Variants in GRIA4 observed in about 807,000 individuals in gnomAD.
GRIA4 encodes the protein glutamate receptor 4.
In GRIA4, 34 loss-of-function variants were observed where a neutral mutation model predicts 104.0. The observed-to-expected ratio is 0.33, with a 90% CI of 0.25 to 0.44. The LOEUF is 0.44. Ranked by LOEUF, GRIA4 falls within the 20% of genes least tolerant of loss-of-function variation. The pLI is 1.00. For missense variants in GRIA4, 750 were observed against 1,096.5 expected (o/e 0.68, Z 4.46); for synonymous variants, 386 against 381.9 (o/e 1.01, Z -0.13).
intron 3 of GRIA4, among the ~76,000 whole-genome samples, chr11:105,618,170 A>T (rs1950648420): frequency 6.6e-6 from 1 of 151,902 alleles, no homozygotes; most frequent in African/African-American, 2.4e-5. Context: ...CTAAGGGGTG[A>T]GACTTTGTAG....
rs1858866931 is a variant in GRIA4 at position 105,974,456 on chromosome 11, T to G, written c.2544+12T>G. On this transcript the variant is annotated intron_variant, in intron 16 of 16. Transcript: ENST00000282499. ...CGAAGAGAATGAAGGTGGCAAAGAG[T>G]GCACAGACTTTTAACCCAACTTCCT... The G allele has an allele frequency of 5.6e-6, 9 of 1,613,836 alleles. No homozygotes were observed. The highest frequency in any genetic ancestry group is 6.8e-6 in the Non-Finnish European group (8 of 1,179,858).
chr11:105,874,428 A>G (rs1183655517), intron 5 of GRIA4, among the ~76,000 whole-genome samples: 1 of 152,186 alleles, frequency 6.6e-6, no homozygotes, highest in Non-Finnish European at 1.5e-5. Flanking sequence ...TATGAAATTT[A>G]AAGTAGTTTT....
intron 14 of GRIA4, among the ~76,000 whole-genome samples, chr11:105,940,186 G>A (rs1326191130): frequency 5.9e-5 from 9 of 152,112 alleles, no homozygotes; most frequent in South Asian, 2.1e-4. Flanking sequence ...GCAACATGGC[G>A]AAACCCTGAC....
intron 3 of GRIA4, among the ~76,000 whole-genome samples, chr11:105,684,168 C>G (rs959010549): frequency 6.6e-6 from 1 of 152,066 alleles, no homozygotes; most frequent in Non-Finnish European, 1.5e-5. Context: ...GCCACTGCGC[C>G]GGGCCAAATG....
intron 4 of GRIA4, among the ~76,000 whole-genome samples, chr11:105,809,008 G>T (rs1037317999): frequency 6.6e-6 from 1 of 151,946 alleles, no homozygotes; most frequent in Non-Finnish European, 1.5e-5. Flanking sequence ...AATATAGTAT[G>T]AATTTTATTT....
intron 13 of GRIA4, among the ~76,000 whole-genome samples, chr11:105,929,925 G>A (rs1947824807): frequency 6.6e-6 from 1 of 152,034 alleles, no homozygotes; most frequent in Non-Finnish European, 1.5e-5. Flanking sequence ...CATGCTTTGA[G>A]TTTCACAATA....
At chr11:105,670,084 TA>T (rs1026068489) in intron 3 of GRIA4, among the ~76,000 whole-genome samples, 1 of 151,914 alleles carries the variant, frequency 6.6e-6, no homozygotes, top group Non-Finnish European at 1.5e-5. Flanking sequence ...ATAACACAAA[TA>T]AAAAAATAAA....
chr11:105,726,852 G>C (rs1938243075), intron 3 of GRIA4, among the ~76,000 whole-genome samples: 1 of 151,794 alleles, frequency 6.6e-6, no homozygotes, highest in South Asian at 2.1e-4. Context: ...TAAAAAAAAG[G>C]ACAACCAAGC....
At chr11:105,935,686 T>C (rs1157569858) in intron 14 of GRIA4, among the ~76,000 whole-genome samples, 1 of 152,182 alleles carries the variant, frequency 6.6e-6, no homozygotes, top group East Asian at 1.9e-4. Context: ...TAATTCTCTG[T>C]GGATATAGCT....
chr11:105,722,766 T>C (rs1250945560), intron 3 of GRIA4, among the ~76,000 whole-genome samples: 1 of 152,104 alleles, frequency 6.6e-6, no homozygotes, highest in East Asian at 1.9e-4. Context: ...AAGATGTAAA[T>C]ATACTCCATG....
At chr11:105,653,644 T>A (rs1051685024) in intron 3 of GRIA4, among the ~76,000 whole-genome samples, 1 of 152,166 alleles carries the variant, frequency 6.6e-6, no homozygotes, top group African/African-American at 2.4e-5. Context: ...AAGGTTATAT[T>A]AGGGTGAACG....
chr11:105,883,809 G>T (rs961769865), intron 5 of GRIA4, among the ~76,000 whole-genome samples: 3 of 152,142 alleles, frequency 2.0e-5, no homozygotes, highest in Admixed American at 2.0e-4. Flanking sequence ...GGATGGCTGG[G>T]TCGAATGGTA....
intron 3 of GRIA4, among the ~76,000 whole-genome samples, chr11:105,730,500 C>G (rs931362408): frequency 6.6e-6 from 1 of 152,152 alleles, no homozygotes; most frequent in African/African-American, 2.4e-5. Flanking sequence ...TTACCCTTGA[C>G]TTTCCTCAAA....
At chr11:105,669,018 C>T (rs7940036) in intron 3 of GRIA4, among the ~76,000 whole-genome samples, 147,782 of 151,978 alleles carry the variant, frequency 0.97, 71,955 homozygotes, top group Non-Finnish European at 1. Context: ...CTGCCATTTG[C>T]GGCTTTCTTA....
intron 6 of GRIA4, among the ~76,000 whole-genome samples, chr11:105,894,261 G>T (rs1208997074): frequency 6.6e-6 from 1 of 152,110 alleles, no homozygotes; most frequent in Admixed American, 6.5e-5. Flanking sequence ...ATATGCAGGA[G>T]TATAAGGTGA....
chr11:105,691,296 C>CA (rs893045087), intron 3 of GRIA4, among the ~76,000 whole-genome samples: 3 of 151,030 alleles, frequency 2.0e-5, no homozygotes, highest in Non-Finnish European at 4.4e-5. Context: ...TGAACAACAA[C>CA]AAAAAAAATT....
intron 3 of GRIA4, among the ~76,000 whole-genome samples, chr11:105,704,546 T>C (rs1180036458): frequency 6.6e-6 from 1 of 152,024 alleles, no homozygotes; most frequent in Non-Finnish European, 1.5e-5. Context: ...TTAATAAAAA[T>C]AGAGGCTTTT....
intron 5 of GRIA4, among the ~76,000 whole-genome samples, chr11:105,882,710 T>C (rs988609658): frequency 4.6e-5 from 7 of 152,190 alleles, no homozygotes; most frequent in Non-Finnish European, 7.3e-5. Flanking sequence ...CCTTATGAGA[T>C]AATAAACACC....
intron 3 of GRIA4, among the ~76,000 whole-genome samples, chr11:105,691,977 T>A (rs1953103970): frequency 6.7e-6 from 1 of 149,770 alleles, no homozygotes; most frequent in African/African-American, 2.5e-5. Context: ...AATATATATC[T>A]CTATATTGTA....
Sources: allele counts gnomAD v4.1 joint callset (sites outside exome capture counted in the v4.1 genomes callset), GRCh38; gene constraint gnomAD v4.1.1; transcripts MANE v1.5; gene names NCBI Gene and HGNC (gene_info 2026-07-23, HGNC 2026-07-21).